The following CSMD1 variants were observed in gnomAD, a reference collection of about 807,000 sequenced individuals.
CSMD1 encodes CUB and Sushi multiple domains 1.
In CSMD1, 213 loss-of-function variants were observed where a neutral mutation model predicts 417.5. The ratio of observed to expected loss-of-function variants is 0.51; its 90% CI spans 0.46 to 0.57. The LOEUF (loss-of-function observed/expected upper bound fraction) is 0.57, where lower values mean the gene tolerates loss of function less well. CSMD1 is among the 20% of genes least tolerant of loss of function. The probability of loss-of-function intolerance (pLI) is 0.00; values close to 1 mark genes in which losing one functional copy is unlikely to be tolerated. For synonymous variants in CSMD1, 2,862 were observed against 1,736.8 expected, an observed-to-expected ratio of 1.65 and a Z score of -16.11; for missense variants, 6,923 against 4,529.7, an observed-to-expected ratio of 1.53 and a Z score of -15.17.
At chr8:4,191,030 A>C (rs1230954592) in intron 3 of CSMD1, among the ~76,000 whole-genome samples, 1 of 152,144 alleles carries the variant, frequency 6.6e-6, no homozygotes, top group Admixed American at 6.5e-5. Flanking sequence ...TCATCTGTGC[A>C]ACAAACCCCC....
chr8:4,221,263 G>A (rs1585047152), intron 3 of CSMD1, among the ~76,000 whole-genome samples: 1 of 151,834 alleles, frequency 6.6e-6, no homozygotes, highest in Non-Finnish European at 1.5e-5. Context: ...ATCAACACCT[G>A]CTCTGGAGAA....
At chr8:3,170,162 T>A (rs550082207) in intron 37 of CSMD1, among the ~76,000 whole-genome samples, 26 of 152,356 alleles carry the variant, frequency 1.7e-4, no homozygotes, top group African/African-American at 5.0e-4. Flanking sequence ...AAATCCTGTT[T>A]GAGTGCTCAT....
chr8:4,405,334 T>TC (rs1804934549), intron 3 of CSMD1, among the ~76,000 whole-genome samples: 1 of 152,222 alleles, frequency 6.6e-6, no homozygotes, highest in African/African-American at 2.4e-5. Context: ...ATTTTTTTTT[T>TC]CTTCTCAATT....
intron 2 of CSMD1, among the ~76,000 whole-genome samples, chr8:4,457,649 G>C (rs138545914): frequency 5.3e-5 from 8 of 152,162 alleles, no homozygotes; most frequent in African/African-American, 9.6e-5. Context: ...TTTTCAAATA[G>C]CATGATGTTA....
intron 1 of CSMD1, among the ~76,000 whole-genome samples, chr8:4,889,305 A>T (rs1353873910): frequency 3.3e-5 from 5 of 152,108 alleles, no homozygotes; most frequent in Non-Finnish European, 5.9e-5. Flanking sequence ...AACATTAGAG[A>T]AACTCAAATT....
At chr8:4,920,692 G>A (rs1408135886) in intron 1 of CSMD1, among the ~76,000 whole-genome samples, 1 of 151,738 alleles carries the variant, frequency 6.6e-6, no homozygotes, top group Non-Finnish European at 1.5e-5. Context: ...CGTGGGTGGT[G>A]CATGTCTGCA....
chr8:4,560,006 C>A (rs922051642), intron 2 of CSMD1, among the ~76,000 whole-genome samples: 1 of 152,200 alleles, frequency 6.6e-6, no homozygotes, highest in African/African-American at 2.4e-5. Flanking sequence ...TCAAGAGAAA[C>A]TGTGGTCAGA....
chr8:3,469,655 G>C (rs964987858), intron 11 of CSMD1, among the ~76,000 whole-genome samples: 7 of 152,182 alleles, frequency 4.6e-5, no homozygotes, highest in African/African-American at 1.2e-4. Flanking sequence ...TAGGAAGCTT[G>C]ACTTTCAGCA....
intron 2 of CSMD1, among the ~76,000 whole-genome samples, chr8:4,496,605 G>C (rs1801990913): frequency 6.6e-6 from 1 of 151,998 alleles, no homozygotes; most frequent in Non-Finnish European, 1.5e-5. Context: ...TCTTGTTATT[G>C]TTATTCCTGG....
At chr8:4,193,905 C>A (rs534361459) in intron 3 of CSMD1, among the ~76,000 whole-genome samples, 17 of 151,808 alleles carry the variant, frequency 1.1e-4, no homozygotes, top group East Asian at 9.7e-4. Context: ...CGAAGGAAAG[C>A]GGCAGGAGAA....
chr8:4,451,432 T>C (rs1322381892), intron 2 of CSMD1, among the ~76,000 whole-genome samples: 2 of 152,106 alleles, frequency 1.3e-5, no homozygotes, highest in Non-Finnish European at 2.9e-5. Flanking sequence ...ACTGAAAAAG[T>C]GGTCAGAAAA....
At chr8:3,947,360 C>T (rs1811300156) in intron 5 of CSMD1, among the ~76,000 whole-genome samples, 1 of 152,140 alleles carries the variant, frequency 6.6e-6, no homozygotes, top group South Asian at 2.1e-4. Flanking sequence ...AAACCAATCT[C>T]GTATTCCTGA....
At chr8:3,661,587 C>G (rs1798421533) in intron 7 of CSMD1, among the ~76,000 whole-genome samples, 2 of 152,144 alleles carry the variant, frequency 1.3e-5, no homozygotes, top group Admixed American at 1.3e-4. Context: ...ACCTCCACCT[C>G]CCGGGTTCAA....
At chr8:3,722,877 T>A (rs1181686076) in intron 6 of CSMD1, among the ~76,000 whole-genome samples, 3 of 150,918 alleles carry the variant, frequency 2.0e-5, no homozygotes, top group Non-Finnish European at 2.9e-5. Flanking sequence ...TGCTTTTTCA[T>A]GGAACACCAT....
At chr8:3,893,591 G>C (rs1243933109) in intron 5 of CSMD1, among the ~76,000 whole-genome samples, 2 of 151,798 alleles carry the variant, frequency 1.3e-5, no homozygotes, top group African/African-American at 2.4e-5. Context: ...TCTAGCTCCA[G>C]TCCCATCTCC....
intron 14 of CSMD1, 41 bp from the exon 15 acceptor site, chr8:3,406,262 G>C (rs565023662): frequency 2.0e-6 from 3 of 1,482,776 alleles, no homozygotes; most frequent in East Asian, 2.5e-5. Flanking sequence ...AAAAATACTT[G>C]AGTATTAATT....
intron 7 of CSMD1, among the ~76,000 whole-genome samples, chr8:3,704,296 G>A (rs992531707): frequency 5.9e-5 from 9 of 152,060 alleles, no homozygotes; most frequent in African/African-American, 2.2e-4. Flanking sequence ...GAAGCCTTCT[G>A]TTCTTTGCGT....
intron 24 of CSMD1, 22 bp downstream of exon 24, chr8:3,308,290 G>GTC: frequency 6.3e-7 from 1 of 1,583,694 alleles, no homozygotes; most frequent in Non-Finnish European, 8.6e-7. Flanking sequence ...TTGCACAATG[G>GTC]TATGACTGCT....
intron 2 of CSMD1, among the ~76,000 whole-genome samples, chr8:4,590,283 A>G (rs1799920046): frequency 6.6e-6 from 1 of 152,126 alleles, no homozygotes; most frequent in African/African-American, 2.4e-5. Context: ...GGGGACAGAA[A>G]AGTTCTGGGA....
Sources: gnomAD v4.1 joint callset for allele counts (sites outside exome capture counted in the v4.1 genomes callset) on GRCh38, gnomAD v4.1.1 for gene constraint, MANE v1.5 for transcripts, NCBI Gene and HGNC (gene_info 2026-07-23, HGNC 2026-07-21) for gene names.